Variants in DPP6 observed in about 807,000 individuals in gnomAD.
The protein encoded by DPP6 is A-type potassium channel modulatory protein DPP6.
In DPP6, 69 loss-of-function variants were observed where a neutral mutation model predicts 122.6. That is an observed-to-expected ratio of 0.56 (90% CI 0.46 to 0.69). The LOEUF (loss-of-function observed/expected upper bound fraction) is 0.69, where lower values mean the gene tolerates loss of function less well. Ranked by LOEUF, DPP6 falls within the 30% of genes least tolerant of loss-of-function variation. DPP6 has a pLI of 0.00. For missense variants in DPP6, 928 were observed against 1,116.9 expected, an observed-to-expected ratio of 0.83 and a Z score of 2.41; for synonymous variants, 418 against 433.1, an observed-to-expected ratio of 0.97 and a Z score of 0.43.
At chr7:153,935,062 C>T (rs1400999311) in intron 1 of DPP6, among the ~76,000 whole-genome samples, 2 of 152,182 alleles carry the variant, frequency 1.3e-5, no homozygotes, top group Middle Eastern at 3.2e-3. Context: ...CCAGGGATGG[C>T]GAATGTCCTG....
chr7:154,416,868 T>C (rs1469272362), intron 1 of DPP6, among the ~76,000 whole-genome samples: 1 of 120,614 alleles, frequency 8.3e-6, no homozygotes, highest in Non-Finnish European at 1.9e-5. Context: ...AGGAGGCCTG[T>C]GGCTAGCTGG....
intron 1 of DPP6, among the ~76,000 whole-genome samples, chr7:153,902,906 C>G (rs930975484): frequency 6.6e-6 from 1 of 152,120 alleles, no homozygotes; most frequent in African/African-American, 2.4e-5. Flanking sequence ...AAAACACTTT[C>G]CTCCTGATTT....
At chr7:154,475,271 A>C in intron 3 of DPP6, 1 of 480,906 alleles carries the variant, frequency 2.1e-6, no homozygotes, top group Non-Finnish European at 3.9e-6. Context: ...CCTTCACTTA[A>C]TGAGAAATGG....
intron 6 of DPP6, among the ~76,000 whole-genome samples, chr7:154,663,834 G>C (rs556272015): frequency 9.3e-6 from 1 of 108,094 alleles, no homozygotes; most frequent in Non-Finnish European, 2.1e-5. Context: ...CGTATTGGGC[G>C]TAGTATTCAT....
intron 1 of DPP6, among the ~76,000 whole-genome samples, chr7:154,217,125 T>C (rs1002417450): frequency 6.6e-6 from 1 of 152,078 alleles, no homozygotes; most frequent in African/African-American, 2.4e-5. Context: ...TACCCATTGA[T>C]AAATACAGCA....
At chr7:154,756,020 A>G (rs959304908) in intron 8 of DPP6, among the ~76,000 whole-genome samples, 2 of 152,246 alleles carry the variant, frequency 1.3e-5, no homozygotes, top group African/African-American at 4.8e-5. Flanking sequence ...GCAGTGAAAA[A>G]AACAATGAGC....
chr7:154,015,975 A>G (rs963556815), intron 1 of DPP6, among the ~76,000 whole-genome samples: 2 of 152,120 alleles, frequency 1.3e-5, no homozygotes, highest in African/African-American at 4.8e-5. Flanking sequence ...CTCGGCCCTT[A>G]TAAGACCCCT....
intron 10 of DPP6, among the ~76,000 whole-genome samples, chr7:154,779,441 T>A (rs914664580): frequency 1.3e-5 from 2 of 152,114 alleles, no homozygotes; most frequent in African/African-American, 2.4e-5. Context: ...AAACAAGCTC[T>A]CCTGCCTCAC....
chr7:154,668,245 G>A (rs1838321637), intron 6 of DPP6, among the ~76,000 whole-genome samples: 1 of 66,058 alleles, frequency 1.5e-5, no homozygotes, highest in Non-Finnish European at 3.9e-5. Flanking sequence ...TTTCAAGACA[G>A]AGTTTCGCTC....
At chr7:154,216,165 C>T (rs578066721) in intron 1 of DPP6, among the ~76,000 whole-genome samples, 1 of 152,336 alleles carries the variant, frequency 6.6e-6, no homozygotes, top group Non-Finnish European at 1.5e-5. Context: ...CCACGGGACG[C>T]ATTGAGTGCT....
At chr7:154,437,843 G>A (rs1380947648) in intron 1 of DPP6, among the ~76,000 whole-genome samples, 2 of 152,136 alleles carry the variant, frequency 1.3e-5, no homozygotes, top group African/African-American at 4.8e-5. Context: ...GGCTGAGGCA[G>A]GGAGAAATGT....
chr7:154,576,800 C>T (rs1294293653), intron 5 of DPP6, among the ~76,000 whole-genome samples: 24 of 152,138 alleles, frequency 1.6e-4, no homozygotes, highest in African/African-American at 5.3e-4. Context: ...GTAGGTGTCC[C>T]CTGGGGCTAG....
chr7:154,808,926 G>GT (rs1798861771), intron 16 of DPP6, among the ~76,000 whole-genome samples: 1 of 152,182 alleles, frequency 6.6e-6, no homozygotes, highest in African/African-American at 2.4e-5. Flanking sequence ...AATGAGAAAG[G>GT]TGACAGAGCC....
intron 1 of DPP6, among the ~76,000 whole-genome samples, chr7:154,338,818 G>A (rs571109870): frequency 6.6e-6 from 1 of 152,122 alleles, no homozygotes; most frequent in East Asian, 1.9e-4. Flanking sequence ...TCTCTTCCTC[G>A]CCTTTTTTCC....
intron 6 of DPP6, among the ~76,000 whole-genome samples, chr7:154,664,347 T>C (rs184466726): frequency 3.2e-4 from 48 of 152,374 alleles, no homozygotes; most frequent in Non-Finnish European, 4.4e-5. Flanking sequence ...ACATTTGTCG[T>C]ATCAAAGAAA....
the DPP6 span, among the ~76,000 whole-genome samples, chr7:153,749,428 G>T: frequency 8.5e-5 from 13 of 152,234 alleles, no homozygotes; most frequent in South Asian, 2.7e-3. This position sits in a 1 kb window ranked among gnomAD's most constrained non-coding sequence, Gnocchi z 4.1. Flanking sequence ...CTCTTTCCCG[G>T]GAAGCGCGCG....
intron 1 of DPP6, among the ~76,000 whole-genome samples, chr7:154,157,161 G>A (rs1349995269): frequency 6.6e-6 from 1 of 152,256 alleles, no homozygotes; most frequent in Non-Finnish European, 1.5e-5. Flanking sequence ...CGATACTGAA[G>A]GGCACACATG....
At chr7:154,080,555 C>G (rs1344543196) in intron 1 of DPP6, among the ~76,000 whole-genome samples, 10 of 152,150 alleles carry the variant, frequency 6.6e-5, no homozygotes, top group African/African-American at 9.7e-5. Context: ...TAATTGCTTG[C>G]TGGAGCACAT....
chr7:154,697,813 G>A (rs1040287711), intron 7 of DPP6, among the ~76,000 whole-genome samples: 2 of 152,130 alleles, frequency 1.3e-5, no homozygotes, highest in Admixed American at 6.5e-5. Flanking sequence ...GCCATGGCGT[G>A]CGCGGCTCTG....
Sources: allele counts gnomAD v4.1 joint callset (sites outside exome capture counted in the v4.1 genomes callset), GRCh38; gene constraint gnomAD v4.1.1; non-coding constraint Gnocchi (gnomAD v3.1); transcripts MANE v1.5; gene names NCBI Gene and HGNC (gene_info 2026-07-23, HGNC 2026-07-21).